The following SDC2 variants were observed in gnomAD, a reference collection of about 807,000 sequenced individuals.
SDC2 encodes syndecan-2.
A neutral mutation model predicts 22.2 loss-of-function variants in SDC2; 13 were observed. The ratio of observed to expected loss-of-function variants is 0.59; its 90% CI spans 0.38 to 0.93. The LOEUF (loss-of-function observed/expected upper bound fraction) is 0.93. Ranked by LOEUF, SDC2 falls within the 40% of genes least tolerant of loss-of-function variation. The probability of loss-of-function intolerance (pLI) is 0.00; values close to 1 mark genes in which losing one functional copy is unlikely to be tolerated. For missense variants in SDC2, 235 were observed against 246.8 expected (o/e 0.95, Z 0.32); for synonymous variants, 94 against 92.8 (o/e 1.01, Z -0.07).
intron 2 of SDC2, among the ~76,000 whole-genome samples, chr8:96,596,687 A>G (rs147745998): frequency 6.6e-6 from 1 of 152,266 alleles, no homozygotes; most frequent in Non-Finnish European, 1.5e-5. Context: ...ACCTTTGGTT[A>G]AAGATGGCAG....
At chr8:96,494,768 C>T (rs182700337) in intron 1 of SDC2, among the ~76,000 whole-genome samples, 1 of 152,298 alleles carries the variant, frequency 6.6e-6, no homozygotes, top group East Asian at 1.9e-4. Context: ...TCCCTTCCTC[C>T]GCACACCATC....
chr8:96,511,655 G>A (rs1813330453), intron 1 of SDC2, among the ~76,000 whole-genome samples: 1 of 152,184 alleles, frequency 6.6e-6, no homozygotes, highest in African/African-American at 2.4e-5. Context: ...CCATTTCATC[G>A]AGTGAGTGCT....
At chr8:96,505,774 C>T (rs1813229847) in intron 1 of SDC2, among the ~76,000 whole-genome samples, 1 of 152,096 alleles carries the variant, frequency 6.6e-6, no homozygotes, top group South Asian at 2.1e-4. Flanking sequence ...AAGTTTTGTA[C>T]TCGATAAATC....
chr8:96,576,248 G>GT (rs970399643), intron 1 of SDC2, among the ~76,000 whole-genome samples: 1 of 151,642 alleles, frequency 6.6e-6, no homozygotes, highest in African/African-American at 2.4e-5. Context: ...GTCACCTGAA[G>GT]TTTTTTCAGC....
intron 1 of SDC2, among the ~76,000 whole-genome samples, chr8:96,577,211 T>C (rs181998989): frequency 5.1e-4 from 78 of 152,292 alleles, no homozygotes; most frequent in African/African-American, 1.8e-3. Flanking sequence ...TCCAGGAATG[T>C]GTCGTTTATT....
chr8:96,605,327 C>T (rs1815059230), intron 3 of SDC2, among the ~76,000 whole-genome samples: 2 of 152,176 alleles, frequency 1.3e-5, no homozygotes, highest in African/African-American at 4.8e-5. Flanking sequence ...TTTCTCTTCC[C>T]TTTTCTAACT....
intron 1 of SDC2, among the ~76,000 whole-genome samples, chr8:96,587,025 C>T (rs1440016586): frequency 3.9e-5 from 6 of 152,116 alleles, no homozygotes; most frequent in South Asian, 2.1e-4. Context: ...TGGGTTCAAG[C>T]GATTCTCCTG....
chr8:96,609,272 G>A (rs755291407), intron 4 of SDC2, 113 bp from the exon 5 acceptor site: 31 of 811,472 alleles, frequency 3.8e-5, no homozygotes, highest in Non-Finnish European at 5.0e-5. Context: ...TTTTTATTGG[G>A]GTTTTCAAAT....
At chr8:96,581,311 G>A (rs896067296) in intron 1 of SDC2, among the ~76,000 whole-genome samples, 2 of 152,042 alleles carry the variant, frequency 1.3e-5, no homozygotes, top group Non-Finnish European at 2.9e-5. Context: ...CATCCTGTGC[G>A]ACCCTGATAT....
At chr8:96,606,158 C>G (rs1044208650) in intron 3 of SDC2, among the ~76,000 whole-genome samples, 57 of 152,180 alleles carry the variant, frequency 3.7e-4, no homozygotes, top group Non-Finnish European at 6.0e-4. Flanking sequence ...GGGTCTCACT[C>G]TGTTACCCAG....
intron 1 of SDC2, among the ~76,000 whole-genome samples, chr8:96,507,846 C>T (rs1171140864): frequency 1.3e-5 from 2 of 152,330 alleles, no homozygotes; most frequent in East Asian, 1.9e-4. Flanking sequence ...TAGATGTAGG[C>T]TCCTCTTTTC....
chr8:96,546,107 G>A (rs1813927985), intron 1 of SDC2, among the ~76,000 whole-genome samples: 1 of 152,188 alleles, frequency 6.6e-6, no homozygotes, highest in Non-Finnish European at 1.5e-5. Context: ...TTTGTAATCT[G>A]CTGACATATT....
intron 1 of SDC2, among the ~76,000 whole-genome samples, chr8:96,561,261 T>G (rs1203841811): frequency 6.6e-6 from 1 of 152,186 alleles, no homozygotes; most frequent in Non-Finnish European, 1.5e-5. Context: ...GTTGTTCATA[T>G]AAAAGTATAC....
intron 1 of SDC2, among the ~76,000 whole-genome samples, chr8:96,504,367 C>T (rs1813208532): frequency 6.6e-6 from 1 of 152,126 alleles, no homozygotes; most frequent in Admixed American, 6.6e-5. Flanking sequence ...TCTAGCATTG[C>T]CCAGGTTCAC....
At chr8:96,496,327 C>T (rs895033) in intron 1 of SDC2, among the ~76,000 whole-genome samples, 36,111 of 152,076 alleles carry the variant, frequency 0.24, 4,444 homozygotes, top group African/African-American at 0.28. Context: ...TCAATTTGAA[C>T]CAGAACTGGA....
chr8:96,568,936 T>A (rs572669964), intron 1 of SDC2, among the ~76,000 whole-genome samples: 1 of 152,102 alleles, frequency 6.6e-6, no homozygotes, highest in Admixed American at 6.5e-5. Context: ...GGAAGGGAAA[T>A]TACACATGGC....
chr8:96,592,712 A>G (rs1308347741), intron 1 of SDC2, among the ~76,000 whole-genome samples: 1 of 152,184 alleles, frequency 6.6e-6, no homozygotes, highest in Non-Finnish European at 1.5e-5. Flanking sequence ...CCCTCTCCAT[A>G]TTAAGCGTGT....
chr8:96,518,392 T>G (rs1321811941), intron 1 of SDC2, among the ~76,000 whole-genome samples: 3 of 147,040 alleles, frequency 2.0e-5, no homozygotes, highest in Non-Finnish European at 3.0e-5. Context: ...ACAGAGTCTC[T>G]CTCTGTCACG....
At chr8:96,599,846 T>C (rs1332323689) in intron 2 of SDC2, among the ~76,000 whole-genome samples, 1 of 152,158 alleles carries the variant, frequency 6.6e-6, no homozygotes, top group Non-Finnish European at 1.5e-5. Flanking sequence ...AATTAAGAAA[T>C]GAACCGGCCA....
Sources: allele counts gnomAD v4.1 joint callset (sites outside exome capture counted in the v4.1 genomes callset), GRCh38; gene constraint gnomAD v4.1.1; transcripts MANE v1.5; gene names NCBI Gene and HGNC (gene_info 2026-07-23, HGNC 2026-07-21).